The following THRB variants were observed in gnomAD, a reference collection of about 807,000 sequenced individuals.
THRB encodes nuclear receptor subfamily 1 group A member 2.
Under a neutral mutation model 47.8 loss-of-function variants are expected in THRB, and 12 were observed. The ratio of observed to expected loss-of-function variants is 0.25; its 90% CI spans 0.16 to 0.41. The LOEUF (loss-of-function observed/expected upper bound fraction) is 0.41. Among genes scored for constraint, THRB ranks in the 10% least tolerant of loss-of-function variants. The probability of loss-of-function intolerance (pLI) is 1.00; values close to 1 mark genes in which losing one functional copy is unlikely to be tolerated. For synonymous variants in THRB, 218 were observed against 212.2 expected (o/e 1.03, Z -0.24); for missense variants, 348 against 589.2 (o/e 0.59, Z 4.24).
At chr3:24,485,669 C>T (rs1697184102) in intron 1 of THRB, among the ~76,000 whole-genome samples, 1 of 152,182 alleles carries the variant, frequency 6.6e-6, no homozygotes, top group African/African-American at 2.4e-5. Flanking sequence ...CATTTATAGT[C>T]CTTTGCACAT....
chr3:24,242,853 A>C (rs563963374), intron 3 of THRB, among the ~76,000 whole-genome samples: 2 of 152,030 alleles, frequency 1.3e-5, no homozygotes, highest in Non-Finnish European at 2.9e-5. Flanking sequence ...AGCCAGCCCC[A>C]TCCCAGTTTG....
chr3:24,292,453 G>A (rs1053482412), intron 3 of THRB, among the ~76,000 whole-genome samples: 8 of 152,106 alleles, frequency 5.3e-5, no homozygotes, highest in Non-Finnish European at 1.2e-4. Flanking sequence ...TTAGATGGTG[G>A]CAAGGCTCTG....
chr3:24,137,903 T>C (rs2034894226), intron 8 of THRB, among the ~76,000 whole-genome samples: 1 of 152,038 alleles, frequency 6.6e-6, no homozygotes, highest in Non-Finnish European at 1.5e-5. Context: ...ATTACAGTTG[T>C]ATATTGGCAG....
chr3:24,269,771 T>C (rs1222756317), intron 3 of THRB, among the ~76,000 whole-genome samples: 2 of 152,110 alleles, frequency 1.3e-5, no homozygotes, highest in African/African-American at 2.4e-5. Flanking sequence ...TGGCATCAGC[T>C]TCTGTGTTCC....
At chr3:24,291,194 T>C (rs573507337) in intron 3 of THRB, among the ~76,000 whole-genome samples, 44 of 152,354 alleles carry the variant, frequency 2.9e-4, no homozygotes, top group African/African-American at 1.1e-3. Context: ...AATTTGTAAT[T>C]TGGATTTAGT....
chr3:24,428,675 A>G (rs1273199788), intron 1 of THRB, among the ~76,000 whole-genome samples: 1 of 151,890 alleles, frequency 6.6e-6, no homozygotes, highest in Non-Finnish European at 1.5e-5. Flanking sequence ...GTTTTTGGTT[A>G]TGTTCGAGGC....
intron 10 of THRB, among the ~76,000 whole-genome samples, chr3:24,126,398 T>A (rs572664304): frequency 2.6e-5 from 4 of 151,820 alleles, no homozygotes; most frequent in Admixed American, 6.5e-5. Flanking sequence ...AAAAAAAAAA[T>A]TTCCTACTGA....
At chr3:24,455,359 C>G (rs2073069740) in intron 1 of THRB, 1 of 151,974 alleles carries the variant, frequency 6.6e-6, no homozygotes, top group Non-Finnish European at 1.5e-5. Flanking sequence ...ATCTTCTCTT[C>G]TCTGTAAAAC....
At chr3:24,342,639 C>T (rs1017071445) in intron 1 of THRB, among the ~76,000 whole-genome samples, 2 of 152,138 alleles carry the variant, frequency 1.3e-5, no homozygotes, top group African/African-American at 4.8e-5. Context: ...GAGGCAGCCC[C>T]TCAGTAATAC....
intron 2 of THRB, among the ~76,000 whole-genome samples, chr3:24,322,083 A>C (rs940191763): frequency 6.6e-6 from 1 of 152,180 alleles, no homozygotes; most frequent in Non-Finnish European, 1.5e-5. Context: ...AAAATAAGAT[A>C]ATCTCTGAAG....
At chr3:24,397,231 T>C in intron 1 of THRB, among the ~76,000 whole-genome samples, 1 of 152,144 alleles carries the variant, frequency 6.6e-6, no homozygotes, top group East Asian at 1.9e-4. Flanking sequence ...AAAAAGAGCA[T>C]CTTGGAAGAT....
chr3:24,138,824 C>T (rs959277246), intron 8 of THRB, among the ~76,000 whole-genome samples: 4 of 152,102 alleles, frequency 2.6e-5, no homozygotes, highest in Admixed American at 2.0e-4. Context: ...GTATCTCTGC[C>T]AGGGAAAAAG....
At chr3:24,142,138 C>T (rs1331153331) in intron 8 of THRB, among the ~76,000 whole-genome samples, 1 of 152,204 alleles carries the variant, frequency 6.6e-6, no homozygotes. Context: ...TGGCTGCATC[C>T]ATCACCACTG....
chr3:24,265,199 T>C (rs867922288), intron 3 of THRB, among the ~76,000 whole-genome samples: 10 of 151,882 alleles, frequency 6.6e-5, no homozygotes, highest in Admixed American at 2.6e-4. Context: ...TGAAAGAAAG[T>C]GAAGAAAGAG....
chr3:24,323,016 A>T (rs2058582391), intron 2 of THRB, among the ~76,000 whole-genome samples: 1 of 152,188 alleles, frequency 6.6e-6, no homozygotes, highest in Non-Finnish European at 1.5e-5. Context: ...CATTACATTC[A>T]TGCCCACTTG....
chr3:24,321,711 G>C (rs749614970), intron 2 of THRB, among the ~76,000 whole-genome samples: 1 of 151,968 alleles, frequency 6.6e-6, no homozygotes, highest in Non-Finnish European at 1.5e-5. Flanking sequence ...TGTTAGGAAT[G>C]ATTGTCCTAG....
chr3:24,356,512 C>T (rs1241386858), intron 1 of THRB, among the ~76,000 whole-genome samples: 1 of 152,186 alleles, frequency 6.6e-6, no homozygotes, highest in Non-Finnish European at 1.5e-5. Context: ...CCTGTTTTGT[C>T]TGTCTCCTTT....
At chr3:24,199,956 T>A (rs72619924) in intron 4 of THRB, among the ~76,000 whole-genome samples, 14,958 of 152,224 alleles carry the variant, frequency 0.098, 792 homozygotes, top group Admixed American at 0.16. Context: ...GGAAAATACT[T>A]TCCGGAGGAC....
At chr3:24,267,004 A>G (rs968737310) in intron 3 of THRB, among the ~76,000 whole-genome samples, 2 of 151,970 alleles carry the variant, frequency 1.3e-5, no homozygotes, top group Non-Finnish European at 2.9e-5. Context: ...TAACCCAAGA[A>G]AAATAAGAAA....
Sources: allele counts gnomAD v4.1 joint callset (sites outside exome capture counted in the v4.1 genomes callset), GRCh38; gene constraint gnomAD v4.1.1; transcripts MANE v1.5; gene names NCBI Gene and HGNC (gene_info 2026-07-23, HGNC 2026-07-21).